USP34: variants seen among roughly 807,000 people sequenced by gnomAD.
The protein encoded by USP34 is ubiquitin specific peptidase 34, also known as ubiquitin carboxyl-terminal hydrolase 34.
Under a neutral mutation model 460.3 loss-of-function variants are expected in USP34, and 70 were observed. The ratio of observed to expected loss-of-function variants is 0.15; its 90% CI spans 0.13 to 0.19. The LOEUF is 0.19. USP34 is among the 10% of genes least tolerant of loss of function. The pLI, the probability that USP34 is intolerant of heterozygous loss-of-function variation, is 1.00. For synonymous variants in USP34, 1,647 were observed against 1,405.3 expected (o/e 1.17, Z -3.85); for missense variants, 3,985 against 4,236.2 (o/e 0.94, Z 1.65).
chr2:61,348,501 A>G (rs1691840620), intron 14 of USP34, 21 bp from the exon 15 acceptor site: 1 of 1,592,438 alleles, frequency 6.3e-7, no homozygotes, highest in South Asian at 1.1e-5. Flanking sequence ...AAACAAATAG[A>G]TTTAAATAAA....
intron 41 of USP34, among the ~76,000 whole-genome samples, chr2:61,267,740 A>G (rs902268416): frequency 6.6e-6 from 1 of 151,954 alleles, no homozygotes; most frequent in Admixed American, 6.6e-5. Context: ...CAGACTCCCA[A>G]TTAGTTGGGA....
intron 1 of USP34, among the ~76,000 whole-genome samples, chr2:61,437,808 A>AATAAATAAATAC (rs1158607292): frequency 7.3e-5 from 11 of 150,538 alleles, no homozygotes; most frequent in Admixed American, 7.3e-4. Context: ...TAAATAAATA[A>AATAAATAAATAC]ATAAATAAAA....
At chr2:61,412,671 T>A (rs1655855490) in intron 2 of USP34, among the ~76,000 whole-genome samples, 1 of 151,856 alleles carries the variant, frequency 6.6e-6, no homozygotes, top group South Asian at 2.1e-4. Flanking sequence ...GGATGACTGC[T>A]TGAACCCAGG....
intron 2 of USP34, among the ~76,000 whole-genome samples, chr2:61,409,918 T>C (rs1239272494): frequency 6.6e-6 from 1 of 152,104 alleles, no homozygotes; most frequent in South Asian, 2.1e-4. Flanking sequence ...CGTACACAAA[T>C]ATATGTATTT....
At chr2:61,436,464 A>G (rs1040359303) in intron 1 of USP34, among the ~76,000 whole-genome samples, 1 of 152,226 alleles carries the variant, frequency 6.6e-6, no homozygotes, top group African/African-American at 2.4e-5. Flanking sequence ...GGAGACAAAG[A>G]AGGACACTAT....
intron 20 of USP34, among the ~76,000 whole-genome samples, chr2:61,326,420 G>A (rs1691091977): frequency 6.6e-6 from 1 of 152,076 alleles, no homozygotes; most frequent in African/African-American, 2.4e-5. Flanking sequence ...GTAGAGACGG[G>A]GTTTCACCAT....
intron 78 of USP34, chr2:61,189,334 G>C: frequency 3.6e-6 from 1 of 278,484 alleles, no homozygotes; most frequent in Non-Finnish European, 6.6e-6. Context: ...GTGCAGTGGT[G>C]TAATCTCGGC....
rs1687587302 is a variant in USP34, at chr2:61,221,596, G to T, written c.7805C>A (p.Pro2602His). The T allele has an allele frequency of 4.3e-6, 7 of 1,613,774 alleles. No individual in the cohort carries two copies. Among genetic ancestry groups the T allele is most frequent in the Non-Finnish European group, 2.5e-6 (3 of 1,179,920 alleles). ...IAKLTPEAAN[P>H]FFKLLTMLME... ...TAGCATAGTCAACAACTTAAAGAAA[G>T]GATTGGCTGCCTGTAAAACACATAC... The change falls in exon 66 of 80, where the codon CCT becomes CAT. Residue 2602 changes from proline (P) to histidine (H), a missense_variant. By Grantham distance (77) the Pro-to-His change is moderately conservative. Transcript: ENST00000398571.
intron 78 of USP34, chr2:61,189,930 A>G (rs557216554): frequency 5.4e-6 from 1 of 183,928 alleles, no homozygotes; most frequent in African/African-American, 2.3e-5. Context: ...AAATCAGTAG[A>G]TCATTAATTG....
chr2:61,374,864 C>CA (rs1159970931), intron 8 of USP34, among the ~76,000 whole-genome samples: 19 of 152,170 alleles, frequency 1.2e-4, no homozygotes. Context: ...CCACTGCACT[C>CA]AGTCTCCTAC....
At chr2:61,464,396 T>C (rs781158828) in intron 1 of USP34, among the ~76,000 whole-genome samples, 61 of 152,210 alleles carry the variant, frequency 4.0e-4, no homozygotes, top group Non-Finnish European at 7.6e-4. Flanking sequence ...GAGTTCCATC[T>C]CAAATTTGAC....
intron 41 of USP34, among the ~76,000 whole-genome samples, chr2:61,277,161 G>C (rs1276495562): frequency 2.0e-5 from 3 of 151,670 alleles, no homozygotes; most frequent in Non-Finnish European, 4.4e-5. Flanking sequence ...ACTGTATTAG[G>C]ATATGATTCA....
chr2:61,412,325 A>T (rs889342856), intron 2 of USP34, among the ~76,000 whole-genome samples: 1 of 152,098 alleles, frequency 6.6e-6, no homozygotes, highest in Non-Finnish European at 1.5e-5. Flanking sequence ...CCTGAGAGAT[A>T]TAAAATATTA....
At chr2:61,213,032 G>C (rs1459919411) in intron 68 of USP34, among the ~76,000 whole-genome samples, 1 of 152,074 alleles carries the variant, frequency 6.6e-6, no homozygotes, top group Admixed American at 6.6e-5. Context: ...TAGGGATTCT[G>C]ATTTTTTCTT....
intron 3 of USP34, among the ~76,000 whole-genome samples, chr2:61,399,479 A>G (rs1184510355): frequency 6.6e-6 from 1 of 152,118 alleles, no homozygotes; most frequent in African/African-American, 2.4e-5. Flanking sequence ...GCATCCTAAA[A>G]TGTTATAATC....
At chr2:61,288,308 C>T (rs1689747501) in intron 34 of USP34, among the ~76,000 whole-genome samples, 1 of 152,206 alleles carries the variant, frequency 6.6e-6, no homozygotes, top group South Asian at 2.1e-4. Flanking sequence ...CCTCACCACT[C>T]CCTTTTGTTT....
chr2:61,351,582 T>C lies in USP34; in HGVS notation c.1252-889A>G, dbSNP rs183895574. 3.6e-3 allele frequency among the ~76,000 whole-genome samples: 543 copies of C among 152,258 alleles called. 3 individuals are homozygous for C. The highest frequency in any genetic ancestry group is 6.0e-3 in the Admixed American group (92 of 15,288). ...CTGTCAAATGCAAAGTTTCCTACTT[T>C]TAATACATAAAAAAATCTATTAAAA... On this transcript the variant is annotated intron_variant, in intron 10 of 79. Coordinates refer to ENST00000398571, the MANE Select transcript of USP34 (RefSeq NM_014709.4).
chr2:61,238,618 A>G (rs1005934957), intron 53 of USP34, among the ~76,000 whole-genome samples: 23 of 152,250 alleles, frequency 1.5e-4, no homozygotes, highest in Non-Finnish European at 1.0e-4. Context: ...ATTCTGGTTT[A>G]TATCTAAAAC....
chr2:61,421,233 T>C (rs1427127356), intron 1 of USP34, among the ~76,000 whole-genome samples: 1 of 152,226 alleles, frequency 6.6e-6, no homozygotes, highest in Admixed American at 6.5e-5. Flanking sequence ...CAGCTTGCTA[T>C]ATCTGAAAGC....
Sources: allele counts gnomAD v4.1 joint callset (sites outside exome capture counted in the v4.1 genomes callset), GRCh38; gene constraint gnomAD v4.1.1; transcripts MANE v1.5; gene names NCBI Gene and HGNC (gene_info 2026-07-23, HGNC 2026-07-21).